The following PARVB variants were observed in gnomAD, a reference collection of about 807,000 sequenced individuals.
PARVB encodes parvin beta.
In PARVB, 46 loss-of-function variants were observed where a neutral mutation model predicts 47.0. The observed-to-expected ratio is 0.98, with a 90% CI of 0.77 to 1.25. The LOEUF is 1.25. PARVB is among the 50% of genes most tolerant of loss of function. PARVB has a pLI of 0.00. For missense variants in PARVB, 473 were observed against 471.6 expected (o/e 1.00, Z -0.03); for synonymous variants, 196 against 196.3 (o/e 1.00, Z 0.01).
intron 11 of PARVB, among the ~76,000 whole-genome samples, chr22:44,159,178 G>T (rs1413974104): frequency 6.6e-6 from 1 of 152,218 alleles, no homozygotes; most frequent in African/African-American, 2.4e-5. Context: ...GAAATGAAAG[G>T]TCAGACCATC....
intron 4 of PARVB, among the ~76,000 whole-genome samples, chr22:44,130,445 G>A (rs1252649564): frequency 6.6e-6 from 1 of 152,240 alleles, no homozygotes; most frequent in Non-Finnish European, 1.5e-5. Context: ...TGAAGGAGGT[G>A]CAGGCTGGGC....
At chr22:44,146,200 TCA>T (rs899549473) in intron 8 of PARVB, 2 of 133,388 alleles carry the variant, frequency 1.5e-5, no homozygotes, top group African/African-American at 5.8e-5. Flanking sequence ...ACACCCGTGC[TCA>T]CACGCACACA....
intron 4 of PARVB, among the ~76,000 whole-genome samples, chr22:44,120,450 G>A (rs6006661): frequency 0.013 from 1,909 of 152,124 alleles, 43 homozygotes; most frequent in African/African-American, 0.044. Flanking sequence ...TCCTCCCATC[G>A]GGATCTGTCT....
chr22:44,055,680 A>C (rs5764487), intron 1 of PARVB, among the ~76,000 whole-genome samples: 21,363 of 120,584 alleles, frequency 0.18, 1,680 homozygotes, highest in East Asian at 0.24. Flanking sequence ...CTCTCTCTCT[A>C]TATATATATA....
chr22:44,010,751 C>T lies in PARVB; in HGVS notation c.211+11078C>T, dbSNP rs369239937. On this transcript the variant is annotated intron_variant, in intron 2 of 13. Coordinates refer to the PARVB transcript ENST00000406477. ...TGCATAGTATCTGATTTTGTATGGC[C>T]TGCGAGTGAAGGATGAGTTTACGTT... Among the ~76,000 whole-genome samples the T allele has an allele frequency of 4.6e-5, 7 of 151,958 alleles. No individual in the cohort carries two copies. The East Asian group carries it at 7.7e-4, about 17-fold the overall frequency.
chr22:44,027,065 C>T (rs76180808), intron 1 of PARVB, among the ~76,000 whole-genome samples: 6,145 of 151,626 alleles, frequency 0.041, 204 homozygotes, highest in South Asian at 0.18. Context: ...CTACGGGAGG[C>T]GTGTCACGTG....
intron 2 of PARVB, among the ~76,000 whole-genome samples, chr22:44,013,420 C>T (rs940091764): frequency 2.0e-5 from 3 of 152,206 alleles, no homozygotes; most frequent in African/African-American, 7.2e-5. Context: ...TGTGTGACTA[C>T]CACCAGATCA....
At chr22:44,098,063 C>T (rs1038323432) in intron 2 of PARVB, among the ~76,000 whole-genome samples, 2 of 152,136 alleles carry the variant, frequency 1.3e-5, no homozygotes, top group African/African-American at 2.4e-5. Context: ...TGGGCGGGCC[C>T]GAATCTTGCT....
intron 2 of PARVB, among the ~76,000 whole-genome samples, chr22:44,008,761 G>A (rs772905195): frequency 1.1e-4 from 16 of 151,872 alleles, no homozygotes; most frequent in Admixed American, 7.9e-4. Context: ...CGAGGCAGGC[G>A]GATCACGAGG....
chr22:44,156,716 G>T (rs2053943234), intron 10 of PARVB, among the ~76,000 whole-genome samples: 1 of 152,126 alleles, frequency 6.6e-6, no homozygotes, highest in African/African-American at 2.4e-5. Flanking sequence ...ATATTTTATG[G>T]TATATTTTAC....
At chr22:44,018,691 G>T (rs1230737024) in intron 2 of PARVB, among the ~76,000 whole-genome samples, 1 of 152,094 alleles carries the variant, frequency 6.6e-6, no homozygotes, top group Non-Finnish European at 1.5e-5. Flanking sequence ...CCTCCACACT[G>T]GGTCAGTTCT....
At chr22:44,044,790 A>G in intron 1 of PARVB, among the ~76,000 whole-genome samples, 1 of 152,186 alleles carries the variant, frequency 6.6e-6, no homozygotes, top group East Asian at 1.9e-4. Flanking sequence ...TTGGCTTGGG[A>G]GAGCAACTTT....
At chr22:44,166,650 C>G (rs1326542653) in intron 12 of PARVB, among the ~76,000 whole-genome samples, 1 of 152,228 alleles carries the variant, frequency 6.6e-6, no homozygotes, top group Non-Finnish European at 1.5e-5. Context: ...CCTTGGGTGT[C>G]CCAGGGCCTC....
rs1569167783 is a variant in PARVB at position 44,166,544 on chromosome 22, G to A, written c.1019-2058G>A. Among the ~76,000 whole-genome samples the A allele has an allele frequency of 3.9e-5, 6 of 152,236 alleles. No individual in the cohort carries two copies. In the South Asian group the frequency reaches 6.2e-4, roughly 16 times the overall value. On this transcript the variant is annotated intron_variant, in intron 12 of 12. Transcript: ENST00000338758. ...CTACTCATCTGCCGCTGGACGGCACGTTAGGGAACCCACCACGGACGTGTG... is the reference window on the plus strand; with the variant it reads ...CTACTCATCTGCCGCTGGACGGCACATTAGGGAACCCACCACGGACGTGTG...
intron 1 of PARVB, among the ~76,000 whole-genome samples, chr22:44,074,947 A>T (rs1301039468): frequency 2.6e-5 from 4 of 152,126 alleles, no homozygotes; most frequent in Non-Finnish European, 5.9e-5. Flanking sequence ...GTCGGTGGGG[A>T]CGGGGCTTCC....
intron 2 of PARVB, among the ~76,000 whole-genome samples, chr22:44,017,101 C>G (rs1456700050): frequency 6.6e-6 from 1 of 152,148 alleles, no homozygotes; most frequent in Non-Finnish European, 1.5e-5. Flanking sequence ...TCTCGAACTC[C>G]TGACCTCTGG....
At chr22:44,167,628 G>A (rs930358472) in intron 12 of PARVB, among the ~76,000 whole-genome samples, 1 of 152,120 alleles carries the variant, frequency 6.6e-6, no homozygotes. Context: ...TGCCTCCACT[G>A]GGCTGTTGGG....
chr22:44,015,208 G>A (rs1199880706), intron 2 of PARVB, among the ~76,000 whole-genome samples: 1 of 151,870 alleles, frequency 6.6e-6, no homozygotes, highest in Non-Finnish European at 1.5e-5. Context: ...AATGATACAG[G>A]AGATAGAAAG....
At chr22:44,010,894 T>A (rs2050515391) in intron 2 of PARVB, among the ~76,000 whole-genome samples, 2 of 150,234 alleles carry the variant, frequency 1.3e-5, no homozygotes, top group Admixed American at 1.3e-4. Context: ...TGCCTATTTT[T>A]TTTTTTTTTT....
Sources: allele counts gnomAD v4.1 joint callset (sites outside exome capture counted in the v4.1 genomes callset), GRCh38; gene constraint gnomAD v4.1.1; transcripts MANE v1.5; gene names NCBI Gene and HGNC (gene_info 2026-07-23, HGNC 2026-07-21).